Variants in PRKN observed in about 807,000 individuals in gnomAD.
PRKN encodes the protein parkin RBR E3 ubiquitin protein ligase, also known as E3 ubiquitin-protein ligase parkin.
PRKN carries 56 observed loss-of-function variants against 59.5 expected under a neutral mutation model. That is an observed-to-expected ratio of 0.94 (90% CI 0.76 to 1.18). The LOEUF (loss-of-function observed/expected upper bound fraction) is 1.18. PRKN is among the 50% of genes most tolerant of loss of function. The pLI is 0.00. For synonymous variants in PRKN, 250 were observed against 222.1 expected, an observed-to-expected ratio of 1.13 and a Z score of -1.12; for missense variants, 657 against 596.4, an observed-to-expected ratio of 1.10 and a Z score of -1.06.
At chr6:161,383,900 G>T (rs563652321) in intron 10 of PRKN, among the ~76,000 whole-genome samples, 2 of 152,228 alleles carry the variant, frequency 1.3e-5, no homozygotes, top group African/African-American at 4.8e-5. Flanking sequence ...TCCGTTGTCT[G>T]GCAACTGTTC....
intron 6 of PRKN, among the ~76,000 whole-genome samples, chr6:161,801,804 T>C (rs1443660208): frequency 6.6e-6 from 1 of 152,128 alleles, no homozygotes; most frequent in Non-Finnish European, 1.5e-5. Flanking sequence ...TGTCCAGGAC[T>C]GGGCACCCCA....
chr6:161,925,644 C>T (rs1293599589), intron 6 of PRKN, among the ~76,000 whole-genome samples: 5 of 152,108 alleles, frequency 3.3e-5, no homozygotes, highest in Admixed American at 1.3e-4. Flanking sequence ...CCATTTTATA[C>T]TTCATTAGTG....
intron 9 of PRKN, among the ~76,000 whole-genome samples, chr6:161,449,212 C>T (rs568328479): frequency 7.2e-5 from 11 of 152,112 alleles, no homozygotes; most frequent in African/African-American, 2.4e-4. Context: ...AGTAATGCCC[C>T]GGTTTCAAAA....
intron 10 of PRKN, among the ~76,000 whole-genome samples, chr6:161,374,305 T>C (rs951577781): frequency 6.6e-6 from 1 of 151,412 alleles, no homozygotes; most frequent in African/African-American, 2.4e-5. Context: ...GTATATGTGG[T>C]GCGCGTGTGT....
In PRKN at chr6:161,462,716, A is replaced by G. The variant is rs533001165; in HGVS notation, c.1084-75839T>C. On this transcript the variant is annotated intron_variant, in intron 9 of 11. Transcript: ENST00000366898. The surrounding 1 kb of genome is among the most constrained non-coding windows in gnomAD (Gnocchi z 4.5). ...GCTGAATTCGTTGGGAATTGCTGCTAAAACATTCTGTAGCTGGAAAATATC... is the reference window on the plus strand; with the variant it reads ...GCTGAATTCGTTGGGAATTGCTGCTGAAACATTCTGTAGCTGGAAAATATC... Among the ~76,000 whole-genome samples the G allele has an allele frequency of 6.6e-6, 1 of 152,360 alleles. No individual in the cohort carries two copies. Among genetic ancestry groups the G allele is most frequent in the South Asian group, 2.1e-4 (1 of 4,828 alleles).
Position 161,785,829 on chromosome 6 carries a change from G to A in PRKN, c.814C>T (p.Leu272Phe), listed in dbSNP as rs141366047. ...TCGTGAACAAACTGCCGATCATTGA[G>A]TCTTGTCACACAGTATAAGTGGAAA... ...DCFHLYCVTR[L>F]NDRQFVHDPQ... Residue 272 changes from leucine (L) to phenylalanine (F), a missense_variant, in exon 7 of 12, where the codon CTC becomes TTC. Transcript: ENST00000366898. 6.2e-7 allele frequency: 1 copy of A among 1,614,122 alleles called. No individual in the cohort carries two copies. The highest frequency in any genetic ancestry group is 1.1e-5 in the South Asian group (1 of 91,070).
intron 6 of PRKN, among the ~76,000 whole-genome samples, chr6:161,882,821 T>C (rs1253249720): frequency 6.6e-6 from 1 of 151,680 alleles, no homozygotes; most frequent in African/African-American, 2.4e-5. Context: ...CTGGCCAACA[T>C]GGTAAAACCC....
intron 9 of PRKN, among the ~76,000 whole-genome samples, chr6:161,406,070 A>T (rs1203311768): frequency 6.6e-6 from 1 of 151,932 alleles, no homozygotes. Context: ...GACCCTCACA[A>T]TCTCCTGGCT....
chr6:161,762,004 C>A (rs1261462386), intron 7 of PRKN, among the ~76,000 whole-genome samples: 1 of 152,048 alleles, frequency 6.6e-6, no homozygotes, highest in African/African-American at 2.4e-5. Flanking sequence ...AGCTACAGAG[C>A]GAGAGTGGGC....
chr6:161,939,434 A>T (rs1779474231), intron 6 of PRKN, among the ~76,000 whole-genome samples: 1 of 149,488 alleles, frequency 6.7e-6, no homozygotes, highest in African/African-American at 2.5e-5. Context: ...AAAAAAAAAA[A>T]AAAAAAAAAT....
chr6:162,263,987 G>A (rs538327325), intron 2 of PRKN, among the ~76,000 whole-genome samples: 4 of 145,304 alleles, frequency 2.8e-5, no homozygotes, highest in East Asian at 4.2e-4. Context: ...TCAGTAAATC[G>A]ATGTGGCCGG....
rs192061644 is a variant in PRKN at position 162,707,199 on chromosome 6, G to A, written c.7+20463C>T. ...GATAATTCTTATATGAATATACTGT[G>A]GAAAAGGTATCTAGCAACCTCATTT... On this transcript the variant is annotated intron_variant, in intron 1 of 11. Transcript: ENST00000366898. 3.6e-3 allele frequency among the ~76,000 whole-genome samples: 551 copies of A among 152,228 alleles called. 3 individuals are homozygous for A. Among genetic ancestry groups the A allele is most frequent in the Non-Finnish European group, 6.0e-3 (409 of 67,992 alleles).
intron 9 of PRKN, among the ~76,000 whole-genome samples, chr6:161,519,549 A>AG (rs1228711059): frequency 6.6e-6 from 1 of 152,216 alleles, no homozygotes; most frequent in East Asian, 1.9e-4. Context: ...GCTGAGCCCA[A>AG]GGAGAATGTG....
intron 1 of PRKN, among the ~76,000 whole-genome samples, chr6:162,503,132 A>ATTTC (rs1793445793): frequency 5.8e-5 from 5 of 86,584 alleles, no homozygotes; most frequent in Admixed American, 3.2e-4. Context: ...AATAGTCTTC[A>ATTTC]TTTCTTTTTT....
chr6:161,567,333 C>A (rs1780693611), intron 8 of PRKN, among the ~76,000 whole-genome samples: 1 of 152,152 alleles, frequency 6.6e-6, no homozygotes. Flanking sequence ...CAGGTGTGAG[C>A]CACCACACCT....
chr6:162,680,551 T>C (rs1037968747), intron 1 of PRKN, among the ~76,000 whole-genome samples: 15 of 152,098 alleles, frequency 9.9e-5, no homozygotes, highest in African/African-American at 3.6e-4. Context: ...GCTTATCTTT[T>C]AGAGGTACCA....
chr6:161,670,763 C>A (rs971083293), intron 7 of PRKN, among the ~76,000 whole-genome samples: 1 of 152,086 alleles, frequency 6.6e-6, no homozygotes, highest in African/African-American at 2.4e-5. Flanking sequence ...TTGCAGTGAG[C>A]TGAAATAATG....
chr6:161,723,763 A>C (rs1170830404), intron 7 of PRKN, among the ~76,000 whole-genome samples: 1 of 152,196 alleles, frequency 6.6e-6, no homozygotes, highest in African/African-American at 2.4e-5. Flanking sequence ...AGTCCTCCCC[A>C]TGCTCTGAGA....
In PRKN at chr6:161,573,070, T is replaced by G. The variant is rs921510044; in HGVS notation, c.872-3654A>C. On this transcript the variant is annotated intron_variant, in intron 7 of 11. Coordinates refer to ENST00000366898, the MANE Select transcript of PRKN (RefSeq NM_004562.3). ...GAGTGGATAGAAGGCAAGGGAGGCT[T>G]CCCCTGCCAGTGACGTCCCATGGTC... 1.5e-3 allele frequency among the ~76,000 whole-genome samples: 225 copies of G among 152,192 alleles called. 1 individual carries two copies. The highest frequency in any genetic ancestry group is 5.1e-3 in the African/African-American group (211 of 41,514).
Sources: allele counts gnomAD v4.1 joint callset (sites outside exome capture counted in the v4.1 genomes callset), GRCh38; gene constraint gnomAD v4.1.1; non-coding constraint Gnocchi (gnomAD v3.1); transcripts MANE v1.5; gene names NCBI Gene and HGNC (gene_info 2026-07-23, HGNC 2026-07-21).